The following SLC9A9 variants were observed in gnomAD, a reference collection of about 807,000 sequenced individuals.
SLC9A9 encodes solute carrier family 9 member A9.
Under a neutral mutation model 77.8 loss-of-function variants are expected in SLC9A9, and 62 were observed. That is an observed-to-expected ratio of 0.80 (90% CI 0.65 to 0.98). SLC9A9 has a LOEUF of 0.98. SLC9A9 is among the 50% of genes least tolerant of loss of function. The pLI, the probability that SLC9A9 is intolerant of heterozygous loss-of-function variation, is 0.00. For missense variants in SLC9A9, 775 were observed against 774.9 expected (o/e 1.00, Z 0.00); for synonymous variants, 320 against 283.5 (o/e 1.13, Z -1.29).
chr3:143,439,132 C>T (rs987987289), intron 12 of SLC9A9, among the ~76,000 whole-genome samples: 11 of 152,208 alleles, frequency 7.2e-5, no homozygotes, highest in Non-Finnish European at 1.2e-4. Context: ...TATGACAATT[C>T]TAGGCACTTA....
At chr3:143,472,164 A>C (rs1181529406) in intron 11 of SLC9A9, among the ~76,000 whole-genome samples, 2 of 152,232 alleles carry the variant, frequency 1.3e-5, no homozygotes, top group African/African-American at 2.4e-5. Flanking sequence ...GCTTTATCCC[A>C]GACACAGTAC....
At chr3:143,847,631 CTG>C (rs2009857259) in intron 1 of SLC9A9, 2 of 155,726 alleles carry the variant, frequency 1.3e-5, no homozygotes, top group South Asian at 1.9e-4. Context: ...AAATAAGACA[CTG>C]TTCGTATAAA....
At chr3:143,432,026 C>A (rs569063267) in intron 12 of SLC9A9, among the ~76,000 whole-genome samples, 3 of 152,322 alleles carry the variant, frequency 2.0e-5, no homozygotes. Flanking sequence ...ATCCCTATAA[C>A]CCAGCCTCCA....
At chr3:143,640,009 CT>C (rs1289369722) in intron 6 of SLC9A9, among the ~76,000 whole-genome samples, 3 of 117,348 alleles carry the variant, frequency 2.6e-5, no homozygotes, top group Non-Finnish European at 3.5e-5. Flanking sequence ...TAATTCCTTT[CT>C]TTTTTTTTCT....
intron 6 of SLC9A9, among the ~76,000 whole-genome samples, chr3:143,618,526 C>A (rs1440600473): frequency 6.6e-6 from 1 of 152,132 alleles, no homozygotes; most frequent in Non-Finnish European, 1.5e-5. Context: ...AAAGACAGTA[C>A]AAAGTTCATT....
intron 12 of SLC9A9, among the ~76,000 whole-genome samples, chr3:143,406,556 T>TC (rs2033985623): frequency 1.3e-5 from 2 of 152,104 alleles, no homozygotes; most frequent in Admixed American, 1.3e-4. Context: ...AGACAGGGTT[T>TC]CACCATGTTG....
intron 14 of SLC9A9, among the ~76,000 whole-genome samples, chr3:143,293,837 A>G (rs2030125910): frequency 6.6e-6 from 1 of 152,354 alleles, no homozygotes; most frequent in African/African-American, 2.4e-5. Context: ...GAAGAATCCC[A>G]TCTTTTAGCA....
At chr3:143,699,404 C>T (rs1933734012) in intron 4 of SLC9A9, among the ~76,000 whole-genome samples, 1 of 152,084 alleles carries the variant, frequency 6.6e-6, no homozygotes, top group Admixed American at 6.6e-5. Context: ...CTTCATATAG[C>T]TAAAAGAGGT....
intron 13 of SLC9A9, among the ~76,000 whole-genome samples, chr3:143,375,704 G>A (rs1339469749): frequency 1.3e-5 from 2 of 152,158 alleles, no homozygotes; most frequent in Non-Finnish European, 2.9e-5. Context: ...CTAGATATAT[G>A]AACAAGTCCA....
intron 6 of SLC9A9, among the ~76,000 whole-genome samples, chr3:143,582,865 G>T (rs2037479954): frequency 6.6e-6 from 1 of 152,180 alleles, no homozygotes; most frequent in Non-Finnish European, 1.5e-5. Flanking sequence ...GCAGAAGCCA[G>T]GCTGGGCAGG....
At chr3:143,302,177 G>A (rs979828494) in intron 14 of SLC9A9, among the ~76,000 whole-genome samples, 4 of 152,218 alleles carry the variant, frequency 2.6e-5, no homozygotes, top group Admixed American at 6.5e-5. Flanking sequence ...TGAGGAGCAC[G>A]TTGCCTTGAG....
intron 12 of SLC9A9, among the ~76,000 whole-genome samples, chr3:143,423,227 A>ACACGTGTACACACG (rs1488711772): frequency 2.8e-5 from 4 of 142,716 alleles, no homozygotes; most frequent in Non-Finnish European, 4.6e-5. Context: ...ACACACACAC[A>ACACGTGTACACACG]CACGTGTACA....
chr3:143,769,995 A>G (rs1009231963), intron 4 of SLC9A9, among the ~76,000 whole-genome samples: 2 of 152,214 alleles, frequency 1.3e-5, no homozygotes, highest in South Asian at 2.1e-4. Flanking sequence ...TATTCTAACT[A>G]TATTAAAAAT....
At chr3:143,795,754 A>G (rs1238503597) in intron 3 of SLC9A9, among the ~76,000 whole-genome samples, 1 of 152,174 alleles carries the variant, frequency 6.6e-6, no homozygotes, top group Non-Finnish European at 1.5e-5. Flanking sequence ...CAAATCCCCC[A>G]AACCTACAGC....
intron 12 of SLC9A9, among the ~76,000 whole-genome samples, chr3:143,440,364 G>T (rs73867637): frequency 1.2e-4 from 19 of 152,156 alleles, no homozygotes; most frequent in Middle Eastern, 3.4e-3. Flanking sequence ...GCAGAGTAAG[G>T]GGAAACACCC....
intron 12 of SLC9A9, among the ~76,000 whole-genome samples, chr3:143,390,348 C>T (rs1371662242): frequency 6.6e-6 from 1 of 152,218 alleles, no homozygotes; most frequent in African/African-American, 2.4e-5. Flanking sequence ...ACGGCTGTTC[C>T]TATCACTTAC....
chr3:143,706,788 T>C (rs1033569003), intron 4 of SLC9A9, among the ~76,000 whole-genome samples: 13 of 152,332 alleles, frequency 8.5e-5, no homozygotes, highest in Middle Eastern at 3.4e-3. Flanking sequence ...TCATAAACTT[T>C]CTTTAAACAT....
At chr3:143,331,277 A>T (rs1389159167) in intron 14 of SLC9A9, among the ~76,000 whole-genome samples, 1 of 152,204 alleles carries the variant, frequency 6.6e-6, no homozygotes, top group Admixed American at 6.5e-5. Flanking sequence ...CCTTGCCCAC[A>T]TGGGTAAGGA....
intron 14 of SLC9A9, among the ~76,000 whole-genome samples, chr3:143,302,644 CAGGAAGATGGCGAGAGGG>C (rs1445248473): frequency 1.3e-5 from 2 of 152,000 alleles, no homozygotes; most frequent in African/African-American, 4.8e-5. Context: ...AGTAAAGAGC[CAGGAAGATGGCGAGAGGG>C]AGAGCTGGCA....
Sources: allele counts gnomAD v4.1 joint callset (sites outside exome capture counted in the v4.1 genomes callset), GRCh38; gene constraint gnomAD v4.1.1; transcripts MANE v1.5; gene names NCBI Gene and HGNC (gene_info 2026-07-23, HGNC 2026-07-21).